The following PJA2 variants were observed in gnomAD, a reference collection of about 807,000 sequenced individuals.
PJA2 encodes E3 ubiquitin-protein ligase Praja-2.
A neutral mutation model predicts 69.3 loss-of-function variants in PJA2; 25 were observed. The observed-to-expected ratio is 0.36, with a 90% CI of 0.26 to 0.50. The LOEUF (loss-of-function observed/expected upper bound fraction) is 0.50, where lower values mean the gene tolerates loss of function less well. Among genes scored for constraint, PJA2 ranks in the 20% least tolerant of loss-of-function variants. The pLI is 0.96. For synonymous variants in PJA2, 308 were observed against 277.8 expected (o/e 1.11, Z -1.08); for missense variants, 809 against 830.2 (o/e 0.97, Z 0.31).
At chr5:109,368,429 G>T in intron 5 of PJA2, 132 bp downstream of exon 5, 1 of 687,432 alleles carries the variant, frequency 1.5e-6, no homozygotes, top group Non-Finnish European at 2.3e-6. Flanking sequence ...AAAGCATAAT[G>T]AAAAAATCAG....
intron 7 of PJA2, among the ~76,000 whole-genome samples, chr5:109,354,534 A>G (rs1367299053): frequency 1.7e-4 from 7 of 40,364 alleles, no homozygotes; most frequent in Admixed American, 4.6e-4. Flanking sequence ...TATCTATAAT[A>G]TCTATAGATA....
At position 109,357,283 on chromosome 5, in the gene PJA2, A is replaced by T. The variant is rs191402778; in HGVS notation, c.1653-1257T>A. ...TCCTATTTGAATATCATAGTCCTAA[A>T]CATCCACAAACAACCTAGCTCAAAA... On this transcript the variant is annotated intron_variant, in intron 6 of 9. Coordinates refer to ENST00000361189, the MANE Select transcript of PJA2 (RefSeq NM_014819.5). Among the ~76,000 whole-genome samples the T allele has an allele frequency of 6.1e-3, 905 of 147,696 alleles. 5 individuals are homozygous for T. The highest frequency in any genetic ancestry group is 0.01 in the Non-Finnish European group (650 of 64,904).
At chr5:109,385,460 T>C (rs781011635) in intron 1 of PJA2, among the ~76,000 whole-genome samples, 2 of 152,200 alleles carry the variant, frequency 1.3e-5, no homozygotes, top group Non-Finnish European at 2.9e-5. Context: ...TAAATTTCAA[T>C]TAATGTAGGA....
chr5:109,353,964 A>G (rs1232090731), intron 7 of PJA2, among the ~76,000 whole-genome samples: 1 of 133,682 alleles, frequency 7.5e-6, no homozygotes, highest in South Asian at 2.6e-4. Flanking sequence ...TGTCTATGAT[A>G]TCTAGAGATA....
chr5:109,339,522 C>A (rs1256426318), intron 9 of PJA2, among the ~76,000 whole-genome samples: 1 of 152,108 alleles, frequency 6.6e-6, no homozygotes, highest in African/African-American at 2.4e-5. Flanking sequence ...GTTAAGACAA[C>A]AAGGGTTGAA....
At chr5:109,395,448 GC>G (rs1747385567) in intron 1 of PJA2, among the ~76,000 whole-genome samples, 2 of 152,136 alleles carry the variant, frequency 1.3e-5, no homozygotes, top group South Asian at 4.1e-4. Flanking sequence ...GGTCACGTGA[GC>G]CTGGGAGATG....
At chr5:109,344,007 G>A (rs1415751528) in intron 9 of PJA2, among the ~76,000 whole-genome samples, 183 bp downstream of exon 9, 1 of 147,904 alleles carries the variant, frequency 6.8e-6, no homozygotes, top group Non-Finnish European at 1.5e-5. Context: ...TGAGGCAGGA[G>A]AATCGCTTGA....
chr5:109,364,405 C>T (rs925593742), intron 5 of PJA2, among the ~76,000 whole-genome samples: 16 of 151,644 alleles, frequency 1.1e-4, no homozygotes, highest in African/African-American at 1.7e-4. Context: ...GGGCGGATCA[C>T]GAGGTCAGGA....
At position 109,344,198 on chromosome 5, in the gene PJA2, G is replaced by A; in HGVS notation, c.1993C>T (p.Leu665=). Residue 665 remains leucine, a synonymous_variant, in exon 9 of 10, where the codon CTA becomes TTA. Coordinates refer to ENST00000361189, the MANE Select transcript of PJA2 (RefSeq NM_014819.5). ...ATTATTCTATCACTCACCTTTTGTA[G>A]CCAAATTGAGACACAAGGTTTGTGA... The part of the protein sequence containing the change: ...FFHKPCVSIW[L]QKSGTCPVCR... 2 of 1,588,510 alleles carry A rather than the reference G, an allele frequency of 1.3e-6. No individual in the cohort carries two copies. Among genetic ancestry groups the A allele is most frequent in the Non-Finnish European group, 8.6e-7 (1 of 1,165,716 alleles).
At chr5:109,342,445 C>T (rs1206183711) in intron 9 of PJA2, among the ~76,000 whole-genome samples, 48 of 134,362 alleles carry the variant, frequency 3.6e-4, no homozygotes, top group African/African-American at 1.3e-3. Flanking sequence ...GCCCCCCGCC[C>T]GGCCAGCCGC....
intron 6 of PJA2, among the ~76,000 whole-genome samples, chr5:109,356,311 A>T (rs1183796323): frequency 6.6e-6 from 1 of 152,128 alleles, no homozygotes; most frequent in Non-Finnish European, 1.5e-5. Context: ...TCTAGCTCTA[A>T]CTCTAGAGAC....
chr5:109,371,947 A>C (rs1762681041), intron 4 of PJA2, among the ~76,000 whole-genome samples: 1 of 152,228 alleles, frequency 6.6e-6, no homozygotes, highest in South Asian at 2.1e-4. Flanking sequence ...CACTGGGTTC[A>C]TGTAAAGGGT....
At chr5:109,338,512 C>T (rs749124888) in intron 9 of PJA2, among the ~76,000 whole-genome samples, 35 of 151,850 alleles carry the variant, frequency 2.3e-4, no homozygotes, top group Middle Eastern at 3.4e-3. Flanking sequence ...TTGCAGCATG[C>T]GCCTTTAGTC....
chr5:109,388,362 T>C (rs1451809980), intron 1 of PJA2, among the ~76,000 whole-genome samples: 2 of 152,164 alleles, frequency 1.3e-5, no homozygotes, highest in African/African-American at 4.8e-5. Context: ...TACATTTGAC[T>C]GCAACCTCTT....
chr5:109,395,136 C>A (rs1747377778), intron 1 of PJA2, among the ~76,000 whole-genome samples: 1 of 152,174 alleles, frequency 6.6e-6, no homozygotes. Flanking sequence ...GGTCAGAATT[C>A]TCACATGTAA....
Position 109,335,674 on chromosome 5 carries a change from GA to G in PJA2, c.*1556del, listed in dbSNP as rs2126981098. 6.6e-6 allele frequency: 1 copy of G among 152,360 alleles called. No homozygotes were observed. Among genetic ancestry groups the G allele is most frequent in the South Asian group, 2.1e-4 (1 of 4,826 alleles). 9.4% of individuals were successfully genotyped at this position (152,360 alleles called of 1,614,324 possible). A position where few individuals can be genotyped will look rare whatever the true frequency, so the allele number is the denominator to read the frequency against. On this transcript the variant is annotated 3_prime_UTR_variant, in exon 10 of 10. Coordinates refer to ENST00000361189, the MANE Select transcript of PJA2 (RefSeq NM_014819.5). Reference sequence around the variant, plus strand: ...CACTAACTGATCATTAATGAAATATGATATGGAAAGATCACAGAGTAGAAAA... The same window carrying G: ...CACTAACTGATCATTAATGAAATATGTATGGAAAGATCACAGAGTAGAAAA...
chr5:109,351,745 T>C (rs570539170), intron 7 of PJA2, among the ~76,000 whole-genome samples: 8 of 152,158 alleles, frequency 5.3e-5, no homozygotes, highest in Non-Finnish European at 1.0e-4. Flanking sequence ...CAATCTAGTA[T>C]TGGGAAAATA....
rs201708512 is a variant in PJA2 at position 109,379,216 on chromosome 5, T to A, written c.271A>T (p.Ser91Cys). 4.4e-5 allele frequency: 71 copies of A among 1,613,208 alleles called. 1 individual carries two copies. In the Admixed American group the frequency reaches 5.3e-4, roughly 12 times the overall value. ...TCACTTTTTTCAAATATAGGTTCACTGGGTAAAGAAGAATCAACTTGATCC... is the reference window on the plus strand; with the variant it reads ...TCACTTTTTTCAAATATAGGTTCACAGGGTAAAGAAGAATCAACTTGATCC... ...PLDQVDSSLPSEPIFEKSETE... is the reference protein window; with the variant it reads ...PLDQVDSSLPCEPIFEKSETE... Residue 91 changes from serine to cysteine, a missense_variant, in exon 4 of 10, where the codon AGT becomes TGT. Around this residue, in one of 4 missense-constraint regions of PJA2, gnomAD observed 700 missense variants for 639.5 expected, o/e 1.09. Coordinates refer to ENST00000361189, the MANE Select transcript of PJA2 (RefSeq NM_014819.5).
intron 5 of PJA2, 84 bp downstream of exon 5, chr5:109,368,477 A>G: frequency 7.9e-7 from 1 of 1,259,372 alleles, no homozygotes. Context: ...TATAAATACA[A>G]TTAATGGCAT....
Sources: allele counts gnomAD v4.1 joint callset (sites outside exome capture counted in the v4.1 genomes callset), GRCh38; gene constraint gnomAD v4.1.1; regional missense constraint gnomAD v4.1.1; transcripts MANE v1.5; gene names NCBI Gene and HGNC (gene_info 2026-07-23, HGNC 2026-07-21).